Variants in SMPD3 observed in about 807,000 individuals in gnomAD.
SMPD3 encodes the protein nSMase-2.
A neutral mutation model predicts 55.7 loss-of-function variants in SMPD3; 21 were observed. The ratio of observed to expected loss-of-function variants is 0.38; its 90% confidence interval spans 0.27 to 0.54. The LOEUF (loss-of-function observed/expected upper bound fraction) is 0.54. SMPD3 is among the 20% of genes least tolerant of loss of function. The pLI, the probability that SMPD3 is intolerant of heterozygous loss-of-function variation, is 0.80. For synonymous variants in SMPD3, 457 were observed against 404.3 expected (o/e 1.13, Z -1.56); for missense variants, 842 against 899.6 (o/e 0.94, Z 0.82).
intron 8 of SMPD3, 68 bp downstream of exon 8, chr16:68,361,534 CG>C: frequency 6.3e-7 from 1 of 1,575,980 alleles, no homozygotes; most frequent in South Asian, 1.1e-5. Flanking sequence ...GAGCGGCTGT[CG>C]AGAGCTGCAG....
chr16:68,367,120 A>G (rs1213834960), intron 3 of SMPD3, among the ~76,000 whole-genome samples: 1 of 152,106 alleles, frequency 6.6e-6, no homozygotes. Flanking sequence ...GTGAGCCAAG[A>G]TCGCCCCATT....
intron 5 of SMPD3, chr16:68,364,462 A>G: frequency 5.3e-6 from 2 of 380,830 alleles, no homozygotes; most frequent in Non-Finnish European, 9.4e-6. Context: ...CGCCCCGTTG[A>G]TGGGTGTTAC....
In SMPD3 at chr16:68,409,330, C is replaced by T. The variant is rs576331385; in HGVS notation, c.-268-22671G>A. On this transcript the variant is annotated intron_variant, in intron 1 of 8. Transcript: ENST00000219334. The stretch of plus-strand genomic sequence containing the variant: ...GTGAGGGGAGAGGCATATCTGTAAG[C>T]AGGACACACCTGTGGTCATGGCAGA... Among the ~76,000 whole-genome samples the T allele has an allele frequency of 2.0e-5, 3 of 152,260 alleles. No individual in the cohort carries two copies. The South Asian group carries it at 6.2e-4, about 32-fold the overall frequency.
At chr16:68,373,110 G>A (rs1048130753) in intron 2 of SMPD3, among the ~76,000 whole-genome samples, 2 of 152,238 alleles carry the variant, frequency 1.3e-5, no homozygotes, top group African/African-American at 4.8e-5. Flanking sequence ...AACCATCAGA[G>A]TTCCCCTGAC....
In SMPD3 at chr16:68,447,794, G is replaced by C. The variant is rs1174023272; in HGVS notation, c.-269+559C>G. 6.6e-6 allele frequency among the ~76,000 whole-genome samples: 1 copy of C among 152,044 alleles called. No homozygotes were observed. Among genetic ancestry groups the C allele is most frequent in the Non-Finnish European group, 1.5e-5 (1 of 67,964 alleles). ...TCTTTACAAAACCCTAGGGCCAAGG[G>C]AGGAGGGGGGAATAGGGAGGGGGGC... On this transcript the variant is annotated intron_variant, in intron 1 of 8. Transcript: ENST00000219334. The surrounding 1 kb of genome is among the most constrained non-coding windows in gnomAD (Gnocchi z 5.1).
At chr16:68,437,364 T>A (rs1285024237) in intron 1 of SMPD3, among the ~76,000 whole-genome samples, 2 of 152,272 alleles carry the variant, frequency 1.3e-5, no homozygotes, top group African/African-American at 4.8e-5. Flanking sequence ...CATTCAACCC[T>A]GTCGAGTTCA....
At chr16:68,419,249 A>G (rs772112568) in intron 1 of SMPD3, among the ~76,000 whole-genome samples, 1 of 152,218 alleles carries the variant, frequency 6.6e-6, no homozygotes, top group African/African-American at 2.4e-5. Flanking sequence ...TGAGACAGGA[A>G]GAAGTCAAGG....
intron 1 of SMPD3, among the ~76,000 whole-genome samples, chr16:68,446,530 C>T (rs2090611612): frequency 6.6e-6 from 1 of 150,938 alleles, no homozygotes; most frequent in African/African-American, 2.4e-5. Context: ...CAGCCCGAAG[C>T]GCAAGCTCTG....
chr16:68,365,889 C>T (rs956360341), intron 3 of SMPD3, among the ~76,000 whole-genome samples: 8 of 152,162 alleles, frequency 5.3e-5, no homozygotes, highest in Non-Finnish European at 1.2e-4. Context: ...TCATAACTGC[C>T]CTACCCCAGG....
intron 2 of SMPD3, among the ~76,000 whole-genome samples, chr16:68,382,880 C>A: frequency 6.6e-6 from 1 of 152,186 alleles, no homozygotes; most frequent in East Asian, 1.9e-4. Context: ...CTCGCTCTGT[C>A]GCCCAGGCTG....
chr16:68,422,445 CAAGAA>C (rs1172331735), intron 1 of SMPD3, among the ~76,000 whole-genome samples: 11 of 152,216 alleles, frequency 7.2e-5, no homozygotes, highest in Non-Finnish European at 1.5e-4. Flanking sequence ...GGCCCCTGAG[CAAGAA>C]GCTGGAAGAA....
At chr16:68,377,238 T>C (rs748021178) in intron 2 of SMPD3, among the ~76,000 whole-genome samples, 5 of 152,198 alleles carry the variant, frequency 3.3e-5, no homozygotes, top group South Asian at 2.1e-4. Context: ...GAGAGCTCCA[T>C]GGTTTGCAGG....
intron 1 of SMPD3, among the ~76,000 whole-genome samples, chr16:68,417,092 A>T (rs1297259335): frequency 6.6e-6 from 1 of 152,050 alleles, no homozygotes; most frequent in African/African-American, 2.4e-5. Context: ...CCCTCAGCTG[A>T]GGCAAACTGC....
chr16:68,380,245 A>G (rs2089918452), intron 2 of SMPD3, among the ~76,000 whole-genome samples: 1 of 152,258 alleles, frequency 6.6e-6, no homozygotes, highest in Admixed American at 6.5e-5. Flanking sequence ...TATCTGCCAG[A>G]GTTTGCAAGG....
chr16:68,413,639 C>T (rs759512114), intron 1 of SMPD3, among the ~76,000 whole-genome samples: 3 of 152,236 alleles, frequency 2.0e-5, no homozygotes, highest in Admixed American at 6.5e-5. Context: ...GTCATGAAAA[C>T]GTGGCAGTGC....
intron 5 of SMPD3, among the ~76,000 whole-genome samples, chr16:68,364,168 G>A (rs530244048): frequency 0.018 from 2,692 of 152,322 alleles, 107 homozygotes; most frequent in African/African-American, 0.061. Flanking sequence ...GGTCCATGTG[G>A]TCATCGGATC....
intron 1 of SMPD3, among the ~76,000 whole-genome samples, chr16:68,446,191 AG>A (rs1464181009): frequency 1.3e-5 from 2 of 152,150 alleles, no homozygotes. Flanking sequence ...CTATTACAGT[AG>A]GATAAAGCTT....
In SMPD3 at chr16:68,361,304, C is replaced by T; in HGVS notation, c.1870G>A (p.Val624Met). 1 of 1,610,362 alleles carries T rather than the reference C, an allele frequency of 6.2e-7. No homozygotes were observed. Among genetic ancestry groups the T allele is most frequent in the South Asian group, 1.1e-5 (1 of 90,200 alleles). The change falls in exon 9 of 9, where the codon GTG (valine) becomes ATG (methionine). Residue 624 changes from valine to methionine, a missense_variant. Val to Met is a conservative substitution (Grantham distance 21). Around this residue, in one of 2 missense-constraint regions of SMPD3, gnomAD observed 649 missense variants for 643.6 expected, o/e 1.01. Transcript: ENST00000219334. Reference protein sequence around the residue: ...EGLCPDWKAEVEEFSFITQLS... With the variant: ...EGLCPDWKAEMEEFSFITQLS... ...TGGGTGATAAAACTGAATTCTTCCA[C>T]CTCCTGGGGTGAGTGGGAGAGGGGA... is the stretch of plus-strand genomic sequence containing the variant.
At chr16:68,434,413 C>T (rs2090504511) in intron 1 of SMPD3, among the ~76,000 whole-genome samples, 1 of 152,164 alleles carries the variant, frequency 6.6e-6, no homozygotes. Flanking sequence ...CCCTTTTTAT[C>T]CTGCTTGACA....
Sources: gnomAD v4.1 joint callset for allele counts (sites outside exome capture counted in the v4.1 genomes callset) on GRCh38, gnomAD v4.1.1 for gene constraint, gnomAD v4.1.1 regional missense constraint, Gnocchi (gnomAD v3.1) non-coding constraint, MANE v1.5 for transcripts, NCBI Gene and HGNC (gene_info 2026-07-23, HGNC 2026-07-21) for gene names.